ACSS3: variants seen among roughly 807,000 people sequenced by gnomAD.
ACSS3 encodes acyl-CoA synthetase short-chain family member 3, mitochondrial.
In ACSS3, 64 loss-of-function variants were observed where a neutral mutation model predicts 84.2. The ratio of observed to expected loss-of-function variants is 0.76; its 90% CI spans 0.62 to 0.94. The LOEUF is 0.94. ACSS3 is among the 40% of genes least tolerant of loss of function. The pLI is 0.00. For missense variants in ACSS3, 815 were observed against 867.6 expected, an observed-to-expected ratio of 0.94 and a Z score of 0.76; for synonymous variants, 317 against 310.1, an observed-to-expected ratio of 1.02 and a Z score of -0.23.
chr12:81,089,993 T>G (rs1328958178), intron 1 of ACSS3, among the ~76,000 whole-genome samples: 3 of 152,020 alleles, frequency 2.0e-5, no homozygotes, highest in African/African-American at 7.2e-5. Context: ...GTAATTATGC[T>G]CTCTACCTTC....
intron 11 of ACSS3, among the ~76,000 whole-genome samples, chr12:81,227,478 A>G (rs1315379337): frequency 1.3e-5 from 2 of 151,630 alleles, no homozygotes; most frequent in Non-Finnish European, 2.9e-5. Context: ...TATTCACTTC[A>G]TTTTGAAGCC....
At chr12:81,150,825 A>G (rs1886574728) in intron 5 of ACSS3, among the ~76,000 whole-genome samples, 1 of 152,210 alleles carries the variant, frequency 6.6e-6, no homozygotes. Flanking sequence ...CTATGCTAAA[A>G]AGCATAACTA....
chr12:81,138,106 A>G (rs980667048), intron 3 of ACSS3, among the ~76,000 whole-genome samples: 2 of 152,234 alleles, frequency 1.3e-5, no homozygotes, highest in South Asian at 2.1e-4. Flanking sequence ...ATGTATTATA[A>G]CTAGAAATCA....
At chr12:81,113,496 T>G (rs539662056) in intron 2 of ACSS3, among the ~76,000 whole-genome samples, 1 of 152,284 alleles carries the variant, frequency 6.6e-6, no homozygotes, top group East Asian at 1.9e-4. Flanking sequence ...ACATTTTATT[T>G]GTCTCTCTTT....
At chr12:81,157,999 C>T (rs910447049) in intron 7 of ACSS3, among the ~76,000 whole-genome samples, 2 of 150,216 alleles carry the variant, frequency 1.3e-5, no homozygotes, top group African/African-American at 4.9e-5. Flanking sequence ...TGAGTTCAAC[C>T]CAGTCTCAGG....
In ACSS3 at chr12:81,255,501, A is replaced by C. The variant is rs1201780210; in HGVS notation, c.*579A>C. 7.3e-6 allele frequency: 1 copy of C among 136,916 alleles called. No individual in the cohort carries two copies. Among genetic ancestry groups the C allele is most frequent in the East Asian group, 2.0e-4 (1 of 5,056 alleles). The allele number at this position is 136,916 out of a possible 1,614,324, so 8.5% of individuals were successfully genotyped here. A position where few individuals can be genotyped will look rare whatever the true frequency, so the allele number is the denominator to read the frequency against. On this transcript the variant is annotated 3_prime_UTR_variant, in exon 16 of 16. Coordinates refer to ENST00000548058, the MANE Select transcript of ACSS3 (RefSeq NM_024560.4). ...AAAGCAGAACACCGGGGTTATAGCT[A>C]TACCTTCAGGTCTTTTGTTACTTAG...
intron 13 of ACSS3, among the ~76,000 whole-genome samples, chr12:81,251,914 A>G (rs186498772): frequency 3.9e-5 from 6 of 152,184 alleles, no homozygotes; most frequent in Non-Finnish European, 8.8e-5. Context: ...CTCCTTCTCA[A>G]CTACTGAAAA....
intron 1 of ACSS3, among the ~76,000 whole-genome samples, chr12:81,083,163 A>G (rs1431228889): frequency 6.6e-6 from 1 of 152,208 alleles, no homozygotes; most frequent in Admixed American, 6.5e-5. Flanking sequence ...TACTTTCAGA[A>G]AATAGTTTCA....
At chr12:81,191,030 G>C (rs776342066) in intron 8 of ACSS3, among the ~76,000 whole-genome samples, 9 of 151,536 alleles carry the variant, frequency 5.9e-5, no homozygotes, top group Non-Finnish European at 1.2e-4. Context: ...GGTAGACCTT[G>C]TTTTTAGAGC....
Position 81,078,337 on chromosome 12 carries a change from C to A in ACSS3, c.217C>A (p.Pro73Thr). 1 of 1,612,552 alleles carries A rather than the reference C, an allele frequency of 6.2e-7. No individual in the cohort carries two copies. Reference protein sequence around the residue: ...KTHFAASVTDPERFWGKAAEQ... With the variant: ...KTHFAASVTDTERFWGKAAEQ... ...CCACTTCGCAGCCTCGGTGACCGAC[C>A]CCGAGAGGTTCTGGGGCAAAGCTGC... Residue 73 changes from proline (P) to threonine (T), a missense_variant, in exon 1 of 16, where the codon CCC (proline) becomes ACC (threonine). Coordinates refer to ENST00000548058, the MANE Select transcript of ACSS3 (RefSeq NM_024560.4).
chr12:81,133,264 A>G (rs1885618913), intron 2 of ACSS3, among the ~76,000 whole-genome samples: 1 of 152,128 alleles, frequency 6.6e-6, no homozygotes, highest in Non-Finnish European at 1.5e-5. Flanking sequence ...AGGAGAGACA[A>G]AAATGAAAGG....
At chr12:81,153,897 A>T (rs1327867461) in intron 7 of ACSS3, among the ~76,000 whole-genome samples, 1 of 152,216 alleles carries the variant, frequency 6.6e-6, no homozygotes, top group Non-Finnish European at 1.5e-5. Flanking sequence ...ATATTAAGGT[A>T]GACTTTGACA....
chr12:81,084,675 AAAAACT>A (rs1881201694), intron 1 of ACSS3, among the ~76,000 whole-genome samples: 2 of 152,212 alleles, frequency 1.3e-5, no homozygotes, highest in Admixed American at 1.3e-4. Flanking sequence ...TGGGAGAAAA[AAAAACT>A]ATGGAAATGG....
At chr12:81,187,017 A>G (rs1292535875) in intron 8 of ACSS3, among the ~76,000 whole-genome samples, 1 of 151,874 alleles carries the variant, frequency 6.6e-6, no homozygotes, top group African/African-American at 2.4e-5. Flanking sequence ...ATGGAATACC[A>G]TTTCGTTCTA....
rs1308083688 is a variant in ACSS3, at chr12:81,216,930, G to T, written c.1384G>T (p.Val462Phe). 3.7e-6 allele frequency: 6 copies of T among 1,611,284 alleles called. No individual in the cohort carries two copies. The highest frequency in any genetic ancestry group is 5.1e-6 in the Non-Finnish European group (6 of 1,177,956). ...ETGSPITASC[V>F]GLGNSKTPPP... ...TGGATCTCCAATTACTGCGTCATGT[G>T]TTGGATTAGGCAATTCTAAAACACC... is the stretch of plus-strand genomic sequence containing the variant. The change falls in exon 10 of 16, where the codon GTT (valine) becomes TTT (phenylalanine). Residue 462 changes from valine to phenylalanine, a missense_variant. Physicochemically the swap from Val to Phe is conservative, Grantham distance 50. Transcript: ENST00000548058.
intron 5 of ACSS3, among the ~76,000 whole-genome samples, chr12:81,148,782 C>T (rs1221951221): frequency 6.6e-6 from 1 of 151,308 alleles, no homozygotes; most frequent in Non-Finnish European, 1.5e-5. Context: ...CATAGAGAGG[C>T]CAGGCGCAGT....
intron 8 of ACSS3, among the ~76,000 whole-genome samples, chr12:81,177,351 G>A (rs1318006522): frequency 2.0e-5 from 3 of 152,034 alleles, no homozygotes; most frequent in Non-Finnish European, 4.4e-5. Flanking sequence ...GCATCCAGAA[G>A]GAAAAGAGGA....
Position 81,256,186 on chromosome 12 carries a change from A to C in ACSS3, c.*1264A>C, listed in dbSNP as rs917243253. ...CTCAAGGAGCAGCGGACCCAGCAGA[A>C]TATGGCCCAAAAAGGAGGCAGGTCT... On this transcript the variant is annotated 3_prime_UTR_variant, in exon 16 of 16. Coordinates refer to ENST00000548058, the MANE Select transcript of ACSS3 (RefSeq NM_024560.4). 6.6e-6 allele frequency: 1 copy of C among 152,150 alleles called. No homozygotes were observed. The highest frequency in any genetic ancestry group is 1.5e-5 in the Non-Finnish European group (1 of 68,028). 9.4% of individuals were successfully genotyped at this position (152,150 alleles called of 1,614,324 possible).
At chr12:81,085,405 C>A (rs1056600788) in intron 1 of ACSS3, among the ~76,000 whole-genome samples, 1 of 152,148 alleles carries the variant, frequency 6.6e-6, no homozygotes, top group African/African-American at 2.4e-5. Flanking sequence ...TTGTTGAGTC[C>A]TTTCTCTGAA....
Sources: allele counts gnomAD v4.1 joint callset (sites outside exome capture counted in the v4.1 genomes callset), GRCh38; gene constraint gnomAD v4.1.1; transcripts MANE v1.5; gene names NCBI Gene and HGNC (gene_info 2026-07-23, HGNC 2026-07-21).